The following NPAS2 variants were observed in gnomAD, a reference collection of about 807,000 sequenced individuals.
The protein encoded by NPAS2 is neuronal PAS domain-containing protein 2.
A neutral mutation model predicts 107.5 loss-of-function variants in NPAS2; 23 were observed. That is an observed-to-expected ratio of 0.21 (90% CI 0.15 to 0.30). NPAS2 has a LOEUF of 0.30. NPAS2 is among the 10% of genes least tolerant of loss of function. The pLI, the probability that NPAS2 is intolerant of heterozygous loss-of-function variation, is 1.00. For synonymous variants in NPAS2, 403 were observed against 417.5 expected (o/e 0.97, Z 0.42); for missense variants, 756 against 1,043.3 (o/e 0.72, Z 3.79).
At chr2:100,855,608 A>G (rs2104500435) in intron 1 of NPAS2, among the ~76,000 whole-genome samples, 1 of 152,352 alleles carries the variant, frequency 6.6e-6, no homozygotes, top group East Asian at 1.9e-4. Context: ...CCTAATCAAA[A>G]TGGCAGCTCT....
rs201705535 is a variant in NPAS2 at position 100,979,480 on chromosome 2, C to CTATATA, written c.1482+1699_1482+1704dup. 3.9e-3 allele frequency among the ~76,000 whole-genome samples: 251 copies of CTATATA among 64,790 alleles called. 2 individuals carry two copies. The highest frequency in any genetic ancestry group is 0.023 in the East Asian group (35 of 1,520). The allele number at this position is 64,790 out of a possible 152,430, so 42.5% of individuals were successfully genotyped here. A position where few individuals can be genotyped will look rare whatever the true frequency, so the allele number is the denominator to read the frequency against. On this transcript the variant is annotated intron_variant, in intron 15 of 20. Coordinates refer to ENST00000335681, the MANE Select transcript of NPAS2 (RefSeq NM_002518.4). Reference sequence around the variant, plus strand: ...TCATGTGTACTATATTTAATAATAACTATATATATATATATATATATATTT... The same window carrying CTATATA: ...TCATGTGTACTATATTTAATAATAACTATATATATATATATATATATATATATATTT...
chr2:100,946,462 GC>G (rs1302476498), intron 5 of NPAS2, among the ~76,000 whole-genome samples: 1 of 152,210 alleles, frequency 6.6e-6, no homozygotes, highest in Non-Finnish European at 1.5e-5. Flanking sequence ...GCATGTTCCT[GC>G]CTGAGGGAAC....
At chr2:100,953,966 T>C (rs939238819) in intron 7 of NPAS2, among the ~76,000 whole-genome samples, 6 of 152,208 alleles carry the variant, frequency 3.9e-5, no homozygotes, top group African/African-American at 1.4e-4. Flanking sequence ...GAAAGGTTCA[T>C]GCTCTCGGGT....
At chr2:100,872,112 A>T (rs948606939) in intron 1 of NPAS2, among the ~76,000 whole-genome samples, 7 of 152,210 alleles carry the variant, frequency 4.6e-5, no homozygotes, top group African/African-American at 1.7e-4. Flanking sequence ...GCAGTGAAGA[A>T]TTAATTTGTA....
chr2:100,830,532 C>G (rs960974396), intron 1 of NPAS2, among the ~76,000 whole-genome samples: 1 of 149,560 alleles, frequency 6.7e-6, no homozygotes, highest in Admixed American at 6.7e-5. Flanking sequence ...CCCAAGTGTT[C>G]TCATTGTTCA....
chr2:100,868,093 TTTCC>T (rs1303320175), intron 1 of NPAS2, among the ~76,000 whole-genome samples: 2 of 152,248 alleles, frequency 1.3e-5, no homozygotes, highest in Non-Finnish European at 2.9e-5. Flanking sequence ...GCACACTATA[TTTCC>T]TCACTTTTTT....
At chr2:100,918,142 T>C (rs1255521916) in intron 2 of NPAS2, among the ~76,000 whole-genome samples, 1 of 151,882 alleles carries the variant, frequency 6.6e-6, no homozygotes, top group Non-Finnish European at 1.5e-5. Context: ...CAAAAATCAA[T>C]GTAATCCGTT....
rs540943214 is a variant in NPAS2, at chr2:100,867,834, C to T, written c.-22-36899C>T. On this transcript the variant is annotated intron_variant, in intron 1 of 20. Coordinates refer to ENST00000335681, the MANE Select transcript of NPAS2 (RefSeq NM_002518.4). ...GGGACTACAGACATGAGCCACTGTG[C>T]TCAGCTGAAGTACTTATTTATTTTT... is the stretch of plus-strand genomic sequence containing the variant. Among the ~76,000 whole-genome samples, 29 of 152,254 alleles carry T rather than the reference C, an allele frequency of 1.9e-4. 1 individual carries two copies. The South Asian group carries it at 6.0e-3, about 32-fold the overall frequency.
In NPAS2 at chr2:100,993,389, C is replaced by T; in HGVS notation, c.2154C>T (p.His718=). 6.2e-7 allele frequency: 1 copy of T among 1,609,664 alleles called. No homozygotes were observed. Among genetic ancestry groups the T allele is most frequent in the South Asian group, 1.1e-5 (1 of 90,816 alleles). The change falls in exon 20 of 21, where the codon CAC becomes CAT. Residue 718 remains histidine (H), a synonymous_variant. Coordinates refer to ENST00000335681, the MANE Select transcript of NPAS2 (RefSeq NM_002518.4). ...CCGTGTTTCAAAATCCAGACGCACACCCCGCCAACAGCAGCAGCGCCCCGA... is the reference window on the plus strand; with the variant it reads ...CCGTGTTTCAAAATCCAGACGCACATCCCGCCAACAGCAGCAGCGCCCCGA... ...SQTVFQNPDA[H]PANSSSAPMP... is the part of the protein sequence containing the mutation.
chr2:100,859,447 C>T (rs751405057), intron 1 of NPAS2, among the ~76,000 whole-genome samples: 29 of 152,128 alleles, frequency 1.9e-4, no homozygotes, highest in Non-Finnish European at 2.2e-4. Context: ...GATAGATGGG[C>T]ATTAAATGGA....
chr2:100,923,720 A>G (rs1053424653), intron 2 of NPAS2, among the ~76,000 whole-genome samples: 1 of 152,130 alleles, frequency 6.6e-6, no homozygotes, highest in Non-Finnish European at 1.5e-5. Flanking sequence ...CAGAGAGTTG[A>G]CTTCTGGAAC....
At chr2:100,958,338 C>T (rs72974848) in intron 7 of NPAS2, among the ~76,000 whole-genome samples, 3,992 of 152,240 alleles carry the variant, frequency 0.026, 192 homozygotes, top group African/African-American at 0.09. Flanking sequence ...TGAATTTTTT[C>T]CTTGCTGAGC....
chr2:100,990,413 C>G lies in NPAS2; in HGVS notation c.1985C>G (p.Pro662Arg). The G allele has an allele frequency of 1.2e-6, 2 of 1,614,194 alleles. No homozygotes were observed. Among genetic ancestry groups the G allele is most frequent in the Non-Finnish European group, 1.7e-6 (2 of 1,180,030 alleles). The change falls in exon 18 of 21, where the codon CCC becomes CGC. Residue 662 changes from proline to arginine, a missense_variant. Physicochemically the swap from Pro to Arg is moderately radical, Grantham distance 103. Transcript: ENST00000335681. ...STSQDASQCQ[P>R]SPDFSHDRQL... ...TCCCAGGATGCCAGCCAGTGCCAGC[C>G]CAGCCCAGACTTCAGCCATGATCGG... is the stretch of plus-strand genomic sequence containing the variant.
At chr2:100,860,260 T>G (rs895778615) in intron 1 of NPAS2, among the ~76,000 whole-genome samples, 1 of 152,200 alleles carries the variant, frequency 6.6e-6, no homozygotes, top group African/African-American at 2.4e-5. Context: ...GGGGTTTGTC[T>G]TATGTGTTCT....
At chr2:100,849,043 A>G (rs909104588) in intron 1 of NPAS2, among the ~76,000 whole-genome samples, 4 of 152,222 alleles carry the variant, frequency 2.6e-5, no homozygotes, top group African/African-American at 7.2e-5. Flanking sequence ...TTCCCTGCAC[A>G]CTTAAATCTA....
intron 13 of NPAS2, 65 bp from the exon 14 acceptor site, chr2:100,975,393 C>G (rs1676917202): frequency 7.2e-7 from 1 of 1,389,558 alleles, no homozygotes. Context: ...GTCATGGGTC[C>G]CCTCTTCGGA....
intron 2 of NPAS2, among the ~76,000 whole-genome samples, chr2:100,924,721 T>A (rs898620458): frequency 6.8e-6 from 1 of 147,900 alleles, no homozygotes; most frequent in African/African-American, 2.5e-5. Context: ...ACGGGATACC[T>A]GGCCACCCCG....
chr2:100,958,856 C>T (rs1469012648), intron 7 of NPAS2, among the ~76,000 whole-genome samples: 1 of 152,158 alleles, frequency 6.6e-6, no homozygotes, highest in African/African-American at 2.4e-5. Context: ...AACGCCATTA[C>T]ACTCTTCTGG....
At position 100,974,881 on chromosome 2, in the gene NPAS2, T is replaced by C; in HGVS notation, c.1219T>C (p.Ser407Pro). Residue 407 changes from serine (S) to proline (P), a missense_variant, in exon 13 of 21, where the codon TCG (serine) becomes CCG (proline). This residue lies in a region of NPAS2 where 496 missense variants were observed against 594.4 expected (regional missense o/e 0.83). Coordinates refer to ENST00000335681, the MANE Select transcript of NPAS2 (RefSeq NM_002518.4). ...TGCCTCGGGCCTTAATACCAGTCAT[T>C]CGCCATCGGCGTCCTCAAGAAGTTC... ...VGASGLNTSH[S>P]PSASSRSSHK... The C allele has an allele frequency of 5.0e-6, 8 of 1,614,072 alleles. No homozygotes were observed. The highest frequency in any genetic ancestry group is 6.8e-6 in the Non-Finnish European group (8 of 1,179,988).
Sources: gnomAD v4.1 joint callset for allele counts (sites outside exome capture counted in the v4.1 genomes callset) on GRCh38, gnomAD v4.1.1 for gene constraint, gnomAD v4.1.1 regional missense constraint, MANE v1.5 for transcripts, NCBI Gene and HGNC (gene_info 2026-07-23, HGNC 2026-07-21) for gene names.